The following SCP2 variants were observed in gnomAD, a reference collection of about 807,000 sequenced individuals.
The protein encoded by SCP2 is SCP-2/3-oxoacyl-CoA thiolase.
In SCP2, 48 loss-of-function variants were observed where a neutral mutation model predicts 71.4. That is an observed-to-expected ratio of 0.67 (90% CI 0.53 to 0.86). SCP2 has a LOEUF of 0.86. SCP2 is among the 40% of genes least tolerant of loss of function. The pLI, the probability that SCP2 is intolerant of heterozygous loss-of-function variation, is 0.00. For synonymous variants in SCP2, 220 were observed against 218.1 expected (o/e 1.01, Z -0.08); for missense variants, 560 against 655.6 (o/e 0.85, Z 1.59).
In SCP2 at chr1:53,039,019, GGCAAA is replaced by G; in HGVS notation, c.1443_1447del (p.Lys482IlefsTer5). The G allele has an allele frequency of 6.2e-7, 1 of 1,614,178 alleles. No homozygotes were observed. The highest frequency in any genetic ancestry group is 8.5e-7 in the Non-Finnish European group (1 of 1,180,020). On this transcript the variant is annotated frameshift_variant, in exon 14 of 16. Transcript: ENST00000371514. LOFTEE classifies it high-confidence loss of function. ...CACCTGGGTGGTGGATGTGAAGAATGGCAAAGGATCAGTGCTTCCTAACTCAGGTT... is the reference window on the plus strand; with the variant it reads ...CACCTGGGTGGTGGATGTGAAGAATGGGATCAGTGCTTCCTAACTCAGGTT...
At chr1:53,010,868 TCCA>T (rs796611394) in intron 11 of SCP2, among the ~76,000 whole-genome samples, 71 of 152,164 alleles carry the variant, frequency 4.7e-4, no homozygotes, top group African/African-American at 1.7e-3. Context: ...TGCTCCTAAC[TCCA>T]CCATCTCTCC....
chr1:52,932,440 T>A (rs991111517), intron 1 of SCP2, among the ~76,000 whole-genome samples: 2 of 152,182 alleles, frequency 1.3e-5, no homozygotes, highest in Non-Finnish European at 2.9e-5. Context: ...AAAATTAACT[T>A]CTTACACATC....
chr1:53,039,870 G>C (rs1236201549), intron 14 of SCP2, among the ~76,000 whole-genome samples: 1 of 152,210 alleles, frequency 6.6e-6, no homozygotes, highest in Non-Finnish European at 1.5e-5. Flanking sequence ...TAACTGACAA[G>C]TTTACTTGGA....
chr1:52,980,176 G>T (rs983799591), intron 9 of SCP2, among the ~76,000 whole-genome samples: 3 of 152,084 alleles, frequency 2.0e-5, no homozygotes, highest in Non-Finnish European at 2.9e-5. Context: ...ATCTTCCATT[G>T]TTGCCCAGGC....
At chr1:53,037,609 C>T (rs1212888827) in intron 13 of SCP2, among the ~76,000 whole-genome samples, 1 of 151,874 alleles carries the variant, frequency 6.6e-6, no homozygotes, top group Non-Finnish European at 1.5e-5. Flanking sequence ...GCTTCTTTCC[C>T]CGATGTCCAA....
intron 8 of SCP2, among the ~76,000 whole-genome samples, chr1:52,977,162 A>G (rs1658049310): frequency 6.6e-6 from 1 of 152,190 alleles, no homozygotes; most frequent in South Asian, 2.1e-4. Context: ...GGAAAAATTC[A>G]TAGCTCTAAT....
chr1:53,024,237 A>G (rs759228422), intron 12 of SCP2, among the ~76,000 whole-genome samples: 41 of 152,134 alleles, frequency 2.7e-4, no homozygotes, highest in South Asian at 1.0e-3. Flanking sequence ...CATAGTACCT[A>G]GAGGTACCTA....
intron 2 of SCP2, among the ~76,000 whole-genome samples, chr1:52,945,792 A>C (rs1219454377): frequency 6.7e-6 from 1 of 149,780 alleles, no homozygotes; most frequent in Non-Finnish European, 1.5e-5. Context: ...TTAGGTTCCC[A>C]AGTTTTTGAT....
intron 5 of SCP2, among the ~76,000 whole-genome samples, chr1:52,957,602 T>A (rs1655942409): frequency 6.6e-6 from 1 of 152,252 alleles, no homozygotes; most frequent in South Asian, 2.1e-4. Context: ...TAGAACATAT[T>A]GATATACAGT....
At chr1:52,942,633 A>G (rs560649261) in intron 2 of SCP2, among the ~76,000 whole-genome samples, 15 of 152,008 alleles carry the variant, frequency 9.9e-5, no homozygotes, top group African/African-American at 3.6e-4. Flanking sequence ...TTTGCCATCA[A>G]TAAGAAATTT....
intron 13 of SCP2, among the ~76,000 whole-genome samples, chr1:53,035,789 C>T (rs1447487830): frequency 6.6e-6 from 1 of 152,100 alleles, no homozygotes; most frequent in African/African-American, 2.4e-5. Context: ...ACATAATTCT[C>T]TTACAGCTCT....
chr1:52,941,805 C>G lies in SCP2; in HGVS notation c.79C>G (p.Pro27Ala), dbSNP rs1572054527. 2.5e-6 allele frequency: 4 copies of G among 1,601,520 alleles called. No homozygotes were observed. The highest frequency in any genetic ancestry group is 3.4e-6 in the Non-Finnish European group (4 of 1,168,758). Residue 27 changes from proline to alanine, a missense_variant, in exon 2 of 16, where the codon CCT (proline) becomes GCT (alanine). By Grantham distance (27) the Pro-to-Ala change is conservative. Coordinates refer to ENST00000371514, the MANE Select transcript of SCP2 (RefSeq NM_002979.5). ...CTTTCTATATCTCTAGTTTGTGAAGCCTGGAGCTGAGAATTCAAGAGACTA... is the reference window on the plus strand; with the variant it reads ...CTTTCTATATCTCTAGTTTGTGAAGGCTGGAGCTGAGAATTCAAGAGACTA... The part of the protein sequence containing the change: ...VGVGMTKFVK[P>A]GAENSRDYPD...
intron 3 of SCP2, among the ~76,000 whole-genome samples, chr1:52,948,518 A>G (rs1329579891): frequency 6.6e-6 from 1 of 151,082 alleles, no homozygotes; most frequent in Non-Finnish European, 1.5e-5. Flanking sequence ...CCAGCTACTC[A>G]GGAGGGAGAG....
rs377349948 is a variant in SCP2, at chr1:53,014,916, T to C, written c.1108T>C (p.Trp370Arg). The change falls in exon 12 of 16, where the codon TGG becomes CGG. Residue 370 changes from tryptophan to arginine, a missense_variant. Coordinates refer to ENST00000371514, the MANE Select transcript of SCP2 (RefSeq NM_002979.5). ...TCTTGCTCAGTGTGCAGAACTCTGC[T>C]GGCAGCTGAGAGGGGAAGCCGGAAA... ...TGLAQCAELC[W>R]QLRGEAGKRQ... The C allele has an allele frequency of 1.9e-6, 3 of 1,613,408 alleles. No homozygotes were observed. The South Asian group carries it at 3.3e-5, about 18-fold the overall frequency.
chr1:53,026,780 C>T (rs2150244291), intron 12 of SCP2, among the ~76,000 whole-genome samples: 1 of 152,036 alleles, frequency 6.6e-6, no homozygotes, highest in Non-Finnish European at 1.5e-5. Context: ...TGCACCCCAG[C>T]CTGGGCGACA....
chr1:53,026,365 T>C (rs551091588), intron 12 of SCP2, among the ~76,000 whole-genome samples: 2 of 152,326 alleles, frequency 1.3e-5, no homozygotes, highest in South Asian at 2.1e-4. Flanking sequence ...CTTGGTACAG[T>C]TTGCAGTTAT....
intron 4 of SCP2, among the ~76,000 whole-genome samples, 168 bp downstream of exon 4, chr1:52,951,054 G>A (rs1010423410): frequency 6.6e-6 from 1 of 152,094 alleles, no homozygotes; most frequent in Non-Finnish European, 1.5e-5. Context: ...GCCGAGGGGG[G>A]TGGATTGTTT....
chr1:53,012,092 T>A lies in SCP2; in HGVS notation c.1082-2798T>A, dbSNP rs555286453. ...CCAAAGCCAGTCATAAAACCTAGAA[T>A]ACTACTATAACTTCCCTTCACCTTT... On this transcript the variant is annotated intron_variant, in intron 11 of 15. Transcript: ENST00000371514. 3.3e-5 allele frequency among the ~76,000 whole-genome samples: 5 copies of A among 152,292 alleles called. No homozygotes were observed. The South Asian group carries it at 8.3e-4, about 25-fold the overall frequency.
intron 11 of SCP2, chr1:52,994,716 A>T: frequency 2.8e-6 from 2 of 709,856 alleles, no homozygotes; most frequent in East Asian, 4.7e-5. Flanking sequence ...AATTAAAATA[A>T]ATTTTAACCA....
Sources: gnomAD v4.1 joint callset for allele counts (sites outside exome capture counted in the v4.1 genomes callset) on GRCh38, gnomAD v4.1.1 for gene constraint, MANE v1.5 for transcripts, NCBI Gene and HGNC (gene_info 2026-07-23, HGNC 2026-07-21) for gene names.